The following IMMP2L variants were observed in gnomAD, a reference collection of about 807,000 sequenced individuals.
IMMP2L encodes inner mitochondrial membrane peptidase subunit 2.
A neutral mutation model predicts 19.3 loss-of-function variants in IMMP2L; 18 were observed. That is an observed-to-expected ratio of 0.93 (90% CI 0.64 to 1.38). IMMP2L has a LOEUF of 1.38. IMMP2L is among the 40% of genes most tolerant of loss of function. IMMP2L has a pLI of 0.00. For missense variants in IMMP2L, 233 were observed against 218.2 expected (o/e 1.07, Z -0.43); for synonymous variants, 76 against 73.0 (o/e 1.04, Z -0.21).
intron 3 of IMMP2L, among the ~76,000 whole-genome samples, chr7:110,983,367 C>T (rs1019846416): frequency 6.6e-6 from 1 of 151,984 alleles, no homozygotes; most frequent in Non-Finnish European, 1.5e-5. Flanking sequence ...TGTAACTTGA[C>T]AGATTGATAA....
At chr7:111,070,487 G>C (rs1651477144) in intron 3 of IMMP2L, among the ~76,000 whole-genome samples, 1 of 152,064 alleles carries the variant, frequency 6.6e-6, no homozygotes, top group Non-Finnish European at 1.5e-5. Flanking sequence ...AATGTTATCT[G>C]TCTAGAAAGG....
intron 3 of IMMP2L, among the ~76,000 whole-genome samples, chr7:111,046,160 A>G (rs1792373780): frequency 6.6e-6 from 1 of 152,138 alleles, no homozygotes; most frequent in Non-Finnish European, 1.5e-5. Flanking sequence ...ATGAAGAAGA[A>G]ACAATTAGAA....
At chr7:111,324,534 A>G (rs1378103519) in intron 3 of IMMP2L, among the ~76,000 whole-genome samples, 2 of 151,930 alleles carry the variant, frequency 1.3e-5, no homozygotes, top group Non-Finnish European at 2.9e-5. Context: ...AAAAGATGCT[A>G]TAAAACATGA....
chr7:111,063,643 T>C (rs901984792), intron 3 of IMMP2L, among the ~76,000 whole-genome samples: 17 of 152,186 alleles, frequency 1.1e-4, no homozygotes, highest in Admixed American at 3.9e-4. Context: ...AAATCATCTC[T>C]TGAATGCTTT....
At chr7:110,980,227 C>CTTTT (rs1218434499) in intron 3 of IMMP2L, among the ~76,000 whole-genome samples, 2,967 of 91,826 alleles carry the variant, frequency 0.032, 341 homozygotes, top group African/African-American at 0.12. Context: ...TGTGCTGCTT[C>CTTTT]TTTTTTTTTT....
At chr7:110,741,006 A>G (rs1796955455) in intron 5 of IMMP2L, among the ~76,000 whole-genome samples, 1 of 152,128 alleles carries the variant, frequency 6.6e-6, no homozygotes, top group South Asian at 2.1e-4. Flanking sequence ...GAGGAAAAGA[A>G]GTCATTATAT....
chr7:111,542,158 AGAGT>A (rs1293706519), intron 1 of IMMP2L, among the ~76,000 whole-genome samples: 2 of 152,266 alleles, frequency 1.3e-5, no homozygotes, highest in Admixed American at 6.5e-5. Flanking sequence ...CATTTTTAAT[AGAGT>A]GATTAGCCAT....
At chr7:111,407,493 T>C (rs1296201982) in intron 3 of IMMP2L, among the ~76,000 whole-genome samples, 1 of 151,976 alleles carries the variant, frequency 6.6e-6, no homozygotes, top group Admixed American at 6.6e-5. Context: ...AAAATACAGA[T>C]ACATACTGTA....
intron 3 of IMMP2L, among the ~76,000 whole-genome samples, chr7:111,139,103 AT>A (rs2129597398): frequency 6.6e-6 from 1 of 152,252 alleles, no homozygotes; most frequent in African/African-American, 2.4e-5. Flanking sequence ...TCCATTTGAT[AT>A]CTAGTATTTC....
At chr7:111,267,021 C>T (rs1164807339) in intron 3 of IMMP2L, among the ~76,000 whole-genome samples, 3 of 152,138 alleles carry the variant, frequency 2.0e-5, no homozygotes, top group Admixed American at 1.3e-4. Context: ...CCAAAGGCCG[C>T]CCTTAACTGA....
intron 3 of IMMP2L, among the ~76,000 whole-genome samples, chr7:111,419,581 T>C (rs1835289630): frequency 6.6e-6 from 1 of 151,794 alleles, no homozygotes; most frequent in South Asian, 2.1e-4. Context: ...CTTATCTACC[T>C]ATGACCTGGA....
intron 3 of IMMP2L, among the ~76,000 whole-genome samples, chr7:111,105,163 A>G (rs2129581172): frequency 6.6e-6 from 1 of 152,004 alleles, no homozygotes; most frequent in Non-Finnish European, 1.5e-5. Context: ...ATAACCACAA[A>G]ACCTTTGAAG....
At chr7:111,040,122 T>C (rs1020762447) in intron 3 of IMMP2L, among the ~76,000 whole-genome samples, 16 of 152,110 alleles carry the variant, frequency 1.1e-4, no homozygotes, top group African/African-American at 3.9e-4. Context: ...TGAGCGGAGA[T>C]TGCGCCACTG....
At chr7:111,017,487 T>C (rs1233090219) in intron 3 of IMMP2L, among the ~76,000 whole-genome samples, 3 of 152,154 alleles carry the variant, frequency 2.0e-5, no homozygotes, top group Non-Finnish European at 2.9e-5. Context: ...CACAATCTTG[T>C]GCCTTGAAAG....
rs181969695 is a variant in IMMP2L at position 111,158,297 on chromosome 7, C to T, written c.240-194732G>A. ...AGATATAGGTAGATAGATATAGATA[C>T]ACATATAGAGAGAATCATCAAAGAC... On this transcript the variant is annotated intron_variant, in intron 3 of 5. Transcript: ENST00000405709. Among the ~76,000 whole-genome samples, 117 of 152,042 alleles carry T rather than the reference C, an allele frequency of 7.7e-4. 1 individual carries two copies. Among genetic ancestry groups the T allele is most frequent in the African/African-American group, 2.6e-3 (109 of 41,476 alleles).
intron 3 of IMMP2L, among the ~76,000 whole-genome samples, chr7:111,402,969 A>C (rs1345318500): frequency 2.7e-5 from 4 of 145,554 alleles, no homozygotes; most frequent in East Asian, 4.1e-4. Flanking sequence ...CTGTGGTGCA[A>C]TCTCGGCTCA....
At position 111,000,922 on chromosome 7, in the gene IMMP2L, T is replaced by C. The variant is rs144684181; in HGVS notation, c.240-37357A>G. ...GGAAATTCCACCAATATTTTGACAT[T>C]CTTGTTTGTTTTGCAAATGTACCAG... On this transcript the variant is annotated intron_variant, in intron 3 of 5. Coordinates refer to ENST00000405709, the MANE Select transcript of IMMP2L (RefSeq NM_032549.4). Among the ~76,000 whole-genome samples the C allele has an allele frequency of 2.3e-3, 344 of 151,874 alleles. 2 individuals are homozygous for C. The highest frequency in any genetic ancestry group is 7.9e-3 in the African/African-American group (329 of 41,438).
intron 3 of IMMP2L, among the ~76,000 whole-genome samples, chr7:110,965,529 TA>T (rs1261269871): frequency 7.2e-5 from 11 of 151,972 alleles, no homozygotes; most frequent in Admixed American, 7.2e-4. Flanking sequence ...ATCCCTTTAT[TA>T]AATCAAGTAA....
intron 5 of IMMP2L, among the ~76,000 whole-genome samples, chr7:110,767,180 A>C (rs1191515819): frequency 6.6e-6 from 1 of 152,130 alleles, no homozygotes; most frequent in Non-Finnish European, 1.5e-5. Flanking sequence ...GTTGTTGCTT[A>C]TGAGTTGGAC....
Sources: gnomAD v4.1 joint callset for allele counts (sites outside exome capture counted in the v4.1 genomes callset) on GRCh38, gnomAD v4.1.1 for gene constraint, MANE v1.5 for transcripts, NCBI Gene and HGNC (gene_info 2026-07-23, HGNC 2026-07-21) for gene names.